AGTPBP1: variants seen among roughly 807,000 people sequenced by gnomAD.
AGTPBP1 encodes cytosolic carboxypeptidase 1.
Under a neutral mutation model 143.9 loss-of-function variants are expected in AGTPBP1, and 70 were observed. The ratio of observed to expected loss-of-function variants is 0.49; its 90% confidence interval spans 0.40 to 0.59. AGTPBP1 has a LOEUF of 0.59. Ranked by LOEUF, AGTPBP1 falls within the 20% of genes least tolerant of loss-of-function variation. The probability of loss-of-function intolerance (pLI) is 0.00; values close to 1 mark genes in which losing one functional copy is unlikely to be tolerated. For missense variants in AGTPBP1, 1,229 were observed against 1,464.5 expected (o/e 0.84, Z 2.62); for synonymous variants, 463 against 500.2 (o/e 0.93, Z 0.99).
intron 2 of AGTPBP1, among the ~76,000 whole-genome samples, chr9:85,706,437 G>A (rs896296073): frequency 5.3e-5 from 8 of 150,556 alleles, no homozygotes; most frequent in Admixed American, 3.3e-4. Flanking sequence ...TTGAACCCGG[G>A]AAGCGGAAGT....
At chr9:85,628,366 C>T (rs953890504) in intron 14 of AGTPBP1, among the ~76,000 whole-genome samples, 7 of 152,002 alleles carry the variant, frequency 4.6e-5, no homozygotes, top group Admixed American at 1.3e-4. Context: ...GAAAATGGAG[C>T]GACAAATATG....
At chr9:85,785,920 A>C in the AGTPBP1 span, 1 of 504,946 alleles carries the variant, frequency 2.0e-6, no homozygotes, top group East Asian at 3.3e-5. Context: ...GATGCCTGTA[A>C]GTGAAATAAA....
chr9:85,713,683 T>C (rs922056443), intron 1 of AGTPBP1, among the ~76,000 whole-genome samples: 5 of 152,232 alleles, frequency 3.3e-5, no homozygotes, highest in African/African-American at 4.8e-5. Flanking sequence ...TCTGATGAAG[T>C]AGAAGATATT....
chr9:85,557,973 T>C (rs1265591291), intron 25 of AGTPBP1, among the ~76,000 whole-genome samples: 1 of 152,230 alleles, frequency 6.6e-6, no homozygotes, highest in Non-Finnish European at 1.5e-5. Flanking sequence ...CACAGACTCA[T>C]AGTGTTCCCT....
chr9:85,661,373 A>T (rs1196358809), intron 8 of AGTPBP1, among the ~76,000 whole-genome samples: 1 of 152,092 alleles, frequency 6.6e-6, no homozygotes, highest in African/African-American at 2.4e-5. Flanking sequence ...TCTTAACACA[A>T]GTTCATAACA....
chr9:85,621,290 A>G lies in AGTPBP1; in HGVS notation c.2016-5T>C. ...ATATCTTGAGCAATTTTTGTCCTGA[A>G]ATCATAAAGGTTTAACCAAAATATA... On this transcript the variant is annotated splice_polypyrimidine_tract_variant and splice_region_variant and intron_variant, in intron 14 of 25. Transcript: ENST00000357081. 7.0e-7 allele frequency: 1 copy of G among 1,422,944 alleles called. No individual in the cohort carries two copies. Among genetic ancestry groups the G allele is most frequent in the Non-Finnish European group, 9.2e-7 (1 of 1,084,992 alleles). 88.1% of individuals were successfully genotyped at this position (1,422,944 alleles called of 1,614,324 possible). A position where few individuals can be genotyped will look rare whatever the true frequency, so the allele number is the denominator to read the frequency against.
At chr9:85,745,733 C>T (rs1824572199), upstream of AGTPBP1, among the ~76,000 whole-genome samples, 1 of 152,192 alleles carries the variant, frequency 6.6e-6, no homozygotes, top group South Asian at 2.1e-4. Flanking sequence ...TGTGGTGGCT[C>T]ATGCCTGTAA....
the AGTPBP1 span, among the ~76,000 whole-genome samples, chr9:85,775,941 T>G: frequency 2.0e-3 from 305 of 152,322 alleles, 1 homozygote; most frequent in Non-Finnish European, 3.3e-3. Flanking sequence ...ATCAATACTT[T>G]GCATCCTTCA....
chr9:85,746,680 A>G (rs1239614249), upstream of AGTPBP1, among the ~76,000 whole-genome samples: 2 of 151,972 alleles, frequency 1.3e-5, no homozygotes, highest in African/African-American at 4.8e-5. Flanking sequence ...AATTGAGTAG[A>G]GACTTAGTGT....
intron 17 of AGTPBP1, among the ~76,000 whole-genome samples, chr9:85,597,091 T>C (rs1564047806): frequency 1.3e-5 from 2 of 152,152 alleles, no homozygotes; most frequent in Non-Finnish European, 2.9e-5. Context: ...AGATCTGGTT[T>C]GACTTGCCTT....
At chr9:85,705,516 T>C (rs1836929355) in intron 2 of AGTPBP1, among the ~76,000 whole-genome samples, 1 of 151,930 alleles carries the variant, frequency 6.6e-6, no homozygotes, top group African/African-American at 2.4e-5. Context: ...TCTCTGTTCA[T>C]TAAAAAAGAA....
chr9:85,775,623 G>A, the AGTPBP1 span, among the ~76,000 whole-genome samples: 2 of 149,718 alleles, frequency 1.3e-5, no homozygotes, highest in East Asian at 3.9e-4. Flanking sequence ...AGTTTATTAA[G>A]TATTGACTTA....
chr9:85,626,853 G>A (rs142788068), intron 14 of AGTPBP1, among the ~76,000 whole-genome samples: 167 of 152,252 alleles, frequency 1.1e-3, no homozygotes, highest in Middle Eastern at 3.4e-3. Flanking sequence ...ATTTTCATGT[G>A]CCACGAAGCC....
chr9:85,779,289 A>G, the AGTPBP1 span, among the ~76,000 whole-genome samples: 1 of 150,688 alleles, frequency 6.6e-6, no homozygotes, highest in Non-Finnish European at 1.5e-5. Flanking sequence ...ATAAATATCT[A>G]TATCTCTATA....
intron 17 of AGTPBP1, among the ~76,000 whole-genome samples, chr9:85,605,434 CA>C (rs1030279752): frequency 5.3e-5 from 8 of 152,028 alleles, no homozygotes; most frequent in African/African-American, 1.9e-4. Context: ...AAGACTTCCC[CA>C]GACAAAAAAA....
At chr9:85,772,668 A>T in the AGTPBP1 span, among the ~76,000 whole-genome samples, 17 of 152,032 alleles carry the variant, frequency 1.1e-4, no homozygotes, top group Non-Finnish European at 1.8e-4. Context: ...TGGGAGGATC[A>T]CTTGATCTCA....
At chr9:85,763,790 G>C in the AGTPBP1 span, among the ~76,000 whole-genome samples, 1,296 of 152,148 alleles carry the variant, frequency 8.5e-3, 19 homozygotes, top group African/African-American at 0.03. Flanking sequence ...CTGGGAGTAG[G>C]ATTCAATTAA....
the AGTPBP1 span, among the ~76,000 whole-genome samples, chr9:85,795,193 A>G: frequency 6.6e-6 from 1 of 152,172 alleles, no homozygotes; most frequent in Non-Finnish European, 1.5e-5. Context: ...ACAGTAGGTC[A>G]TTTGGCATTT....
In AGTPBP1 at chr9:85,657,555, A is replaced by G. The variant is rs527380226; in HGVS notation, c.789T>C (p.His263=). ...YVDWHRHDNR[H]RNMLIRKGIL... ...TTCCTTTCCGAATGAGCATGTTTCT[A>G]TGCCGGTTATCATGGCGGTGCCAAT... is the stretch of plus-strand genomic sequence containing the variant. The change falls in exon 10 of 26, where the codon CAT becomes CAC. Residue 263 remains histidine (H), a synonymous_variant. Transcript: ENST00000357081. 3.1e-6 allele frequency: 5 copies of G among 1,614,034 alleles called. No homozygotes were observed. In the South Asian group the frequency reaches 5.5e-5, roughly 18 times the overall value.
Sources: allele counts gnomAD v4.1 joint callset (sites outside exome capture counted in the v4.1 genomes callset), GRCh38; gene constraint gnomAD v4.1.1; transcripts MANE v1.5; gene names NCBI Gene and HGNC (gene_info 2026-07-23, HGNC 2026-07-21).